Variants in BPTF observed in about 807,000 individuals in gnomAD.
The protein encoded by BPTF is bromodomain PHD finger transcription factor, also known as nucleosome-remodeling factor subunit BPTF.
In BPTF, 18 loss-of-function variants were observed where a neutral mutation model predicts 292.5. The observed-to-expected ratio is 0.06, with a 90% CI of 0.04 to 0.09. The LOEUF (loss-of-function observed/expected upper bound fraction) is 0.09. Ranked by LOEUF, BPTF falls within the 10% of genes least tolerant of loss-of-function variation. BPTF has a pLI of 1.00. For missense variants in BPTF, 2,726 were observed against 3,498.7 expected (o/e 0.78, Z 5.57); for synonymous variants, 1,225 against 1,251.9 (o/e 0.98, Z 0.45).
At chr17:67,896,117 T>C (rs1442425416) in intron 7 of BPTF, among the ~76,000 whole-genome samples, 3 of 152,006 alleles carry the variant, frequency 2.0e-5, no homozygotes, top group Admixed American at 6.6e-5. Context: ...CACCCACCAC[T>C]ATGCCCAGCT....
Position 67,904,765 on chromosome 17 carries a change from A to G in BPTF, c.2737A>G (p.Lys913Glu), listed in dbSNP as rs995431704. 1 of 1,613,244 alleles carries G rather than the reference A, an allele frequency of 6.2e-7. No individual in the cohort carries two copies. Among genetic ancestry groups the G allele is most frequent in the Non-Finnish European group, 8.5e-7 (1 of 1,179,276 alleles). The change falls in exon 9 of 28, where the codon AAA becomes GAA. Residue 913 changes from lysine (K) to glutamate (E), a missense_variant. By Grantham distance (56) the Lys-to-Glu change is moderately conservative. Coordinates refer to ENST00000306378, the MANE Select transcript of BPTF (RefSeq NM_182641.4). ...TGYGGWSWIS[K>E]THVYRFVPKL... Reference sequence around the variant, plus strand: ...ATATGGTGGTTGGAGCTGGATTAGTAAAACTCATGTTTATAGGTTTGTTCC... The same window carrying G: ...ATATGGTGGTTGGAGCTGGATTAGTGAAACTCATGTTTATAGGTTTGTTCC...
Position 67,912,651 on chromosome 17 carries a change from C to G in BPTF, c.4767C>G (p.Thr1589=). ...SKRKTVITEV[T]TMTSTVATES... is the part of the protein sequence containing the mutation. ...GAAAAACCGTCATCACAGAAGTCAC[C>G]ACGATGACCTCCACAGTGGCCACAG... Residue 1589 remains threonine (T), a synonymous_variant, in exon 11 of 28, where the codon ACC becomes ACG. Transcript: ENST00000306378. 6.2e-7 allele frequency: 1 copy of G among 1,613,974 alleles called. No individual in the cohort carries two copies. The highest frequency in any genetic ancestry group is 8.5e-7 in the Non-Finnish European group (1 of 1,180,010).
intron 27 of BPTF, among the ~76,000 whole-genome samples, chr17:67,976,961 A>G (rs1455686597): frequency 6.6e-6 from 1 of 152,146 alleles, no homozygotes. Context: ...ATACATCGCT[A>G]TAAAATTTCC....
At chr17:67,890,699 G>C (rs2061052574) in intron 4 of BPTF, among the ~76,000 whole-genome samples, 1 of 152,144 alleles carries the variant, frequency 6.6e-6, no homozygotes, top group African/African-American at 2.4e-5. Context: ...AGGAAAGAAG[G>C]GGTATGGAAC....
chr17:67,880,772 A>G (rs57635853), intron 4 of BPTF, among the ~76,000 whole-genome samples: 1 of 151,906 alleles, frequency 6.6e-6, no homozygotes, highest in Non-Finnish European at 1.5e-5. Flanking sequence ...AAGTAGCTGA[A>G]ACTATAGGCT....
At position 67,912,445 on chromosome 17, in the gene BPTF, T is replaced by C; in HGVS notation, c.4561T>C (p.Ser1521Pro). 1 of 1,613,770 alleles carries C rather than the reference T, an allele frequency of 6.2e-7. No homozygotes were observed. Among genetic ancestry groups the C allele is most frequent in the Non-Finnish European group, 8.5e-7 (1 of 1,179,936 alleles). The change falls in exon 11 of 28, where the codon TCT becomes CCT. Residue 1521 changes from serine to proline, a missense_variant. Ser to Pro is a moderately conservative substitution (Grantham distance 74). This residue lies in a region of BPTF where 713 missense variants were observed against 714.9 expected (regional missense o/e 1.00). Coordinates refer to ENST00000306378, the MANE Select transcript of BPTF (RefSeq NM_182641.4). ...DSTQTTTPSA[S>P]CPESNSVNQV... The stretch of plus-strand genomic sequence containing the variant: ...TACACAGACGACCACACCCTCAGCA[T>C]CTTGTCCAGAAAGCAATTCAGTTAA...
intron 11 of BPTF, among the ~76,000 whole-genome samples, chr17:67,913,523 C>T (rs2062789831): frequency 6.6e-6 from 1 of 152,026 alleles, no homozygotes; most frequent in Non-Finnish European, 1.5e-5. Flanking sequence ...ACAAGATAAC[C>T]ACCAACTTTC....
Position 67,919,309 on chromosome 17 carries a change from G to A in BPTF, c.5428+471G>A, listed in dbSNP as rs184027018. 2.2e-4 allele frequency among the ~76,000 whole-genome samples: 34 copies of A among 152,114 alleles called. No individual in the cohort carries two copies. In the East Asian group the frequency reaches 6.6e-3, roughly 29 times the overall value. On this transcript the variant is annotated intron_variant, in intron 12 of 27. Coordinates refer to ENST00000306378, the MANE Select transcript of BPTF (RefSeq NM_182641.4). Reference sequence around the variant, plus strand: ...CTAGCACTTTGGGAGGCCAAGGCAGGAGGATCACTTGAGGCCAGGAGTTTG... The same window carrying A: ...CTAGCACTTTGGGAGGCCAAGGCAGAAGGATCACTTGAGGCCAGGAGTTTG...
chr17:67,890,991 G>T (rs2061070640), intron 4 of BPTF, among the ~76,000 whole-genome samples: 1 of 152,064 alleles, frequency 6.6e-6, no homozygotes, highest in Non-Finnish European at 1.5e-5. Context: ...TTTCCAGCCT[G>T]GGCAATATGG....
Position 67,873,149 on chromosome 17 carries a change from A to G in BPTF, c.1661-1668A>G, listed in dbSNP as rs150519459. 6.4e-3 allele frequency among the ~76,000 whole-genome samples: 980 copies of G among 152,246 alleles called. 8 individuals are homozygous for G. The highest frequency in any genetic ancestry group is 0.012 in the Admixed American group (180 of 15,286). On this transcript the variant is annotated intron_variant, in intron 3 of 27. Coordinates refer to ENST00000306378, the MANE Select transcript of BPTF (RefSeq NM_182641.4). ...CAAAAATCCAAGAGGAGTACTGTGG[A>G]TATACATGGTATTAAGTGTTTCTTA...
chr17:67,885,922 AAGTC>A (rs965375042), intron 4 of BPTF, among the ~76,000 whole-genome samples: 6 of 152,240 alleles, frequency 3.9e-5, no homozygotes, highest in African/African-American at 1.4e-4. Flanking sequence ...CCCCCAAAAA[AAGTC>A]AGTGAGTTAA....
chr17:67,973,716 G>GGGT (rs1555692253), intron 26 of BPTF, among the ~76,000 whole-genome samples: 3 of 151,948 alleles, frequency 2.0e-5, no homozygotes, highest in Non-Finnish European at 4.4e-5. Flanking sequence ...GTGTTGGCCA[G>GGGT]GGTGGTCTCG....
At position 67,912,453 on chromosome 17, in the gene BPTF, A is replaced by G. The variant is rs1476876704; in HGVS notation, c.4569A>G (p.Pro1523=). The change falls in exon 11 of 28, where the codon CCA becomes CCG. Residue 1523 remains proline, a synonymous_variant. Coordinates refer to ENST00000306378, the MANE Select transcript of BPTF (RefSeq NM_182641.4). The part of the protein sequence containing the change: ...TQTTTPSASC[P]ESNSVNQVED... ...CGACCACACCCTCAGCATCTTGTCC[A>G]GAAAGCAATTCAGTTAATCAGGTAG... The G allele has an allele frequency of 6.2e-7, 1 of 1,613,908 alleles. No individual in the cohort carries two copies. The highest frequency in any genetic ancestry group is 8.5e-7 in the Non-Finnish European group (1 of 1,179,972).
At chr17:67,977,510 A>C (rs554206715) in intron 27 of BPTF, among the ~76,000 whole-genome samples, 1 of 150,846 alleles carries the variant, frequency 6.6e-6, no homozygotes, top group East Asian at 1.9e-4. Flanking sequence ...GTGAGACTCC[A>C]TCTCAGAAGA....
intron 26 of BPTF, among the ~76,000 whole-genome samples, chr17:67,973,416 A>G (rs995434476): frequency 1.3e-5 from 2 of 152,068 alleles, no homozygotes; most frequent in Non-Finnish European, 2.9e-5. Flanking sequence ...TTGCCATTTT[A>G]ATCATTTTAA....
rs782525880 is a variant in BPTF at position 67,946,062 on chromosome 17, G to T, written c.7354G>T (p.Val2452Phe). The change falls in exon 21 of 28, where the codon GTT becomes TTT. Residue 2452 changes from valine to phenylalanine, a missense_variant. Transcript: ENST00000306378. ...VQVLSQIQSQ[V>F]VAQIQAQQSG... Reference sequence around the variant, plus strand: ...GGTTCTCTCTCAGATCCAGTCACAGGTTGTGGCTCAGATACAGGCTCAGCA... The same window carrying T: ...GGTTCTCTCTCAGATCCAGTCACAGTTTGTGGCTCAGATACAGGCTCAGCA... The T allele has an allele frequency of 6.2e-7, 1 of 1,614,164 alleles. No individual in the cohort carries two copies. The highest frequency in any genetic ancestry group is 8.5e-7 in the Non-Finnish European group (1 of 1,180,028).
intron 18 of BPTF, among the ~76,000 whole-genome samples, chr17:67,934,986 G>A (rs2064792517): frequency 6.6e-6 from 1 of 151,874 alleles, no homozygotes. Context: ...CCTTGAAGCT[G>A]CAGTTAAACT....
At chr17:67,851,809 A>G (rs949549625) in intron 1 of BPTF, among the ~76,000 whole-genome samples, 17 of 152,202 alleles carry the variant, frequency 1.1e-4, no homozygotes, top group Admixed American at 4.6e-4. Flanking sequence ...ATCCTTCCCA[A>G]CAGTTTGTTT....
In BPTF at chr17:67,911,014, G is replaced by C; in HGVS notation, c.3130G>C (p.Gly1044Arg). 6 of 1,613,608 alleles carry C rather than the reference G, an allele frequency of 3.7e-6. No homozygotes were observed. The highest frequency in any genetic ancestry group is 5.1e-6 in the Non-Finnish European group (6 of 1,179,746). The stretch of plus-strand genomic sequence containing the variant: ...AGTAGATGTGGTCAATGTTAGTGAG[G>C]GTTTTCATCTAAGGACTAGTTACAA... ...SQVDVVNVSE[G>R]FHLRTSYKKK... Residue 1044 changes from glycine (G) to arginine (R), a missense_variant, in exon 11 of 28, where the codon GGT (glycine) becomes CGT (arginine). By Grantham distance (125) the Gly-to-Arg change is moderately radical. Transcript: ENST00000306378.
Sources: allele counts gnomAD v4.1 joint callset (sites outside exome capture counted in the v4.1 genomes callset), GRCh38; gene constraint gnomAD v4.1.1; regional missense constraint gnomAD v4.1.1; transcripts MANE v1.5; gene names NCBI Gene and HGNC (gene_info 2026-07-23, HGNC 2026-07-21).